The following ATP6V1H variants were observed in gnomAD, a reference collection of about 807,000 sequenced individuals.
ATP6V1H encodes V-type proton ATPase subunit H.
In ATP6V1H, 39 loss-of-function variants were observed where a neutral mutation model predicts 71.7. The ratio of observed to expected loss-of-function variants is 0.54; its 90% CI spans 0.42 to 0.71. The LOEUF (loss-of-function observed/expected upper bound fraction) is 0.71, where lower values mean the gene tolerates loss of function less well. Among genes scored for constraint, ATP6V1H ranks in the 30% least tolerant of loss-of-function variants. The probability of loss-of-function intolerance (pLI) is 0.00; values close to 1 mark genes in which losing one functional copy is unlikely to be tolerated. For synonymous variants in ATP6V1H, 192 were observed against 199.3 expected (o/e 0.96, Z 0.31); for missense variants, 509 against 594.9 (o/e 0.86, Z 1.50).
intron 5 of ATP6V1H, among the ~76,000 whole-genome samples, chr8:53,815,095 A>G (rs1810402578): frequency 6.6e-6 from 1 of 152,220 alleles, no homozygotes; most frequent in Non-Finnish European, 1.5e-5. Flanking sequence ...TCTTAGAAGC[A>G]GACTGTCACC....
chr8:53,772,903 C>CAAAAAAAAAAAAAAAAAAAAAAAAA (rs201949406), intron 9 of ATP6V1H, among the ~76,000 whole-genome samples: 1 of 59,410 alleles, frequency 1.7e-5, no homozygotes, highest in Non-Finnish European at 3.7e-5. Context: ...CTATCAAATG[C>CAAAAAAAAAAAAAAAAAAAAAAAAA]AAAAAAAAAA....
At position 53,813,660 on chromosome 8, in the gene ATP6V1H, A is replaced by C. The variant is rs890857225; in HGVS notation, c.525+1002T>G. On this transcript the variant is annotated intron_variant, in intron 6 of 13. Transcript: ENST00000359530. ...CCTACACTTCAACCCTGTAAGCCTG[A>C]AACTAACACTCCACAGAGCCATCAT... is the stretch of plus-strand genomic sequence containing the variant. Among the ~76,000 whole-genome samples the C allele has an allele frequency of 2.5e-4, 38 of 152,156 alleles. 1 individual carries two copies. The highest frequency in any genetic ancestry group is 1.2e-3 in the Admixed American group (18 of 15,270).
At chr8:53,813,321 T>TA (rs1324960447) in intron 6 of ATP6V1H, among the ~76,000 whole-genome samples, 1 of 152,134 alleles carries the variant, frequency 6.6e-6, no homozygotes, top group Non-Finnish European at 1.5e-5. Flanking sequence ...TAGGCTCCCC[T>TA]AAAAAAGGCA....
intron 13 of ATP6V1H, among the ~76,000 whole-genome samples, chr8:53,725,604 A>T (rs769015612): frequency 1.3e-5 from 2 of 149,796 alleles, no homozygotes; most frequent in Non-Finnish European, 3.0e-5. Context: ...GCAGATTGTG[A>T]TATCAGGCCA....
At chr8:53,819,453 A>G (rs1301159971) in intron 4 of ATP6V1H, among the ~76,000 whole-genome samples, 1 of 145,284 alleles carries the variant, frequency 6.9e-6, no homozygotes, top group Non-Finnish European at 1.5e-5. Flanking sequence ...AATCGCTTGA[A>G]CCTGGTGGGT....
At position 53,801,780 on chromosome 8, in the gene ATP6V1H, A is replaced by G. The variant is rs1327266496; in HGVS notation, c.677+19T>C. On this transcript the variant is annotated intron_variant, in intron 8 of 13. Coordinates refer to ENST00000359530, the MANE Select transcript of ATP6V1H (RefSeq NM_015941.4). ...ATGCTTGTAAATGTTATTTTACATT[A>G]AAAGGAAAGGGCACTCACCAATTTA... The G allele has an allele frequency of 2.5e-6, 4 of 1,589,586 alleles. No individual in the cohort carries two copies. Among genetic ancestry groups the G allele is most frequent in the Non-Finnish European group, 3.4e-6 (4 of 1,160,834 alleles).
intron 7 of ATP6V1H, among the ~76,000 whole-genome samples, chr8:53,810,320 C>T (rs1205505970): frequency 6.6e-6 from 1 of 152,196 alleles, no homozygotes; most frequent in African/African-American, 2.4e-5. Flanking sequence ...TCCTAGAGCA[C>T]AGCAAAGTTC....
intron 13 of ATP6V1H, among the ~76,000 whole-genome samples, chr8:53,727,726 T>G (rs1298015718): frequency 6.6e-6 from 1 of 152,144 alleles, no homozygotes; most frequent in Non-Finnish European, 1.5e-5. Context: ...ACTCCTGAAC[T>G]CCAAACCTAT....
At chr8:53,824,040 T>C (rs1443054456) in intron 4 of ATP6V1H, among the ~76,000 whole-genome samples, 1 of 148,848 alleles carries the variant, frequency 6.7e-6, no homozygotes, top group African/African-American at 2.5e-5. Flanking sequence ...AGAAATGACA[T>C]GGGGGACATA....
At chr8:53,755,705 TA>T (rs1808000992) in intron 12 of ATP6V1H, among the ~76,000 whole-genome samples, 2 of 3,626 alleles carry the variant, frequency 5.5e-4, no homozygotes, top group African/African-American at 1.0e-3. Context: ...TATATATATA[TA>T]TATATATATA....
chr8:53,717,126 G>T (rs1176574893), intron 13 of ATP6V1H, among the ~76,000 whole-genome samples: 1 of 152,114 alleles, frequency 6.6e-6, no homozygotes, highest in Non-Finnish European at 1.5e-5. Context: ...CACCTTTGGG[G>T]GCCACCGATG....
At chr8:53,806,182 C>A (rs1810071978) in intron 7 of ATP6V1H, among the ~76,000 whole-genome samples, 2 of 151,646 alleles carry the variant, frequency 1.3e-5, no homozygotes, top group African/African-American at 2.4e-5. Context: ...TAATGTTGGG[C>A]AAATCACTTA....
intron 4 of ATP6V1H, among the ~76,000 whole-genome samples, chr8:53,827,146 C>T (rs1403172835): frequency 6.6e-6 from 1 of 151,898 alleles, no homozygotes; most frequent in Non-Finnish European, 1.5e-5. Flanking sequence ...CTTTGGGAGG[C>T]CGAGGTGGGC....
intron 11 of ATP6V1H, among the ~76,000 whole-genome samples, chr8:53,761,015 CTCA>C (rs1477304201): frequency 6.6e-6 from 1 of 152,080 alleles, no homozygotes; most frequent in Non-Finnish European, 1.5e-5. Context: ...TTTCAAATTT[CTCA>C]TCATCATATA....
intron 9 of ATP6V1H, 131 bp downstream of exon 9, chr8:53,795,516 A>C: frequency 1.3e-6 from 1 of 795,264 alleles, no homozygotes; most frequent in African/African-American, 1.7e-5. Context: ...ATTTTACTCT[A>C]TATTCACCAA....
chr8:53,836,563 T>G (rs901083630), intron 2 of ATP6V1H, among the ~76,000 whole-genome samples: 19 of 152,138 alleles, frequency 1.2e-4, no homozygotes, highest in Admixed American at 1.2e-3. Flanking sequence ...CTCTCCTCTC[T>G]ACTTCCCTGC....
At chr8:53,832,531 TATA>T (rs1811040593) in intron 3 of ATP6V1H, 1 of 152,078 alleles carries the variant, frequency 6.6e-6, no homozygotes, top group Non-Finnish European at 1.5e-5. Flanking sequence ...AACAAAACCT[TATA>T]TATTAAAATA....
At chr8:53,790,787 C>T (rs1011769141) in intron 9 of ATP6V1H, among the ~76,000 whole-genome samples, 2 of 152,108 alleles carry the variant, frequency 1.3e-5, no homozygotes, top group African/African-American at 2.4e-5. Context: ...TAGTGCCTAT[C>T]GTAATTCATC....
At chr8:53,731,652 G>A (rs200766109) in intron 13 of ATP6V1H, among the ~76,000 whole-genome samples, 1 of 113,118 alleles carries the variant, frequency 8.8e-6, no homozygotes, top group Non-Finnish European at 1.6e-5. Flanking sequence ...GTTTTGGGAC[G>A]CAAGTCTGCT....
Sources: gnomAD v4.1 joint callset for allele counts (sites outside exome capture counted in the v4.1 genomes callset) on GRCh38, gnomAD v4.1.1 for gene constraint, MANE v1.5 for transcripts, NCBI Gene and HGNC (gene_info 2026-07-23, HGNC 2026-07-21) for gene names.